Variants in PIEZO1 observed in about 807,000 individuals in gnomAD.
The protein encoded by PIEZO1 is piezo-type mechanosensitive ion channel component 1.
A neutral mutation model predicts 297.2 loss-of-function variants in PIEZO1; 296 were observed. The observed-to-expected ratio is 1.00, with a 90% confidence interval of 0.91 to 1.10. The LOEUF is 1.10. PIEZO1 is among the 50% of genes least tolerant of loss of function. The probability of loss-of-function intolerance (pLI) is 0.00; values close to 1 mark genes in which losing one functional copy is unlikely to be tolerated. For missense variants in PIEZO1, 5,018 were observed against 3,455.5 expected, an observed-to-expected ratio of 1.45 and a Z score of -11.34; for synonymous variants, 2,427 against 1,507.5, an observed-to-expected ratio of 1.61 and a Z score of -14.13.
In PIEZO1 at chr16:88,720,048, C is replaced by A. The variant is rs1462394196; in HGVS notation, c.6164+21G>T. ...CACTGCCCCGCCCCTGGAGACCGAG[C>A]GCCCCCACGCGTGGGCCCACCTCTC... On this transcript the variant is annotated intron_variant, in intron 42 of 50. Coordinates refer to ENST00000301015, the MANE Select transcript of PIEZO1 (RefSeq NM_001142864.4). 3.9e-6 allele frequency: 6 copies of A among 1,549,308 alleles called. No individual in the cohort carries two copies. The South Asian group carries it at 4.8e-5, about 12-fold the overall frequency.
intron 1 of PIEZO1, among the ~76,000 whole-genome samples, chr16:88,770,546 G>C (rs1365215150): frequency 6.6e-6 from 1 of 152,216 alleles, no homozygotes; most frequent in Non-Finnish European, 1.5e-5. Context: ...CGGGAGAGGT[G>C]GCCGTTAGTG....
At chr16:88,749,604 G>A in intron 1 of PIEZO1, 125 bp from the exon 2 acceptor site, 1 of 699,578 alleles carries the variant, frequency 1.4e-6, no homozygotes, top group Non-Finnish European at 2.3e-6. Flanking sequence ...GTGCTGCCCT[G>A]AGCCAGAGCC....
intron 1 of PIEZO1, among the ~76,000 whole-genome samples, chr16:88,766,846 A>T (rs1367295636): frequency 6.6e-6 from 1 of 152,232 alleles, no homozygotes; most frequent in Non-Finnish European, 1.5e-5. Flanking sequence ...TCAGGCCACG[A>T]GGGCCGGGGC....
intron 23 of PIEZO1, 151 bp downstream of exon 23, chr16:88,727,406 G>C (rs766831510): frequency 1.5e-6 from 1 of 647,900 alleles, no homozygotes; most frequent in Admixed American, 3.0e-5. Context: ...AGGTCTGCGT[G>C]CGTGCGTGCG....
At chr16:88,722,456 G>C in intron 35 of PIEZO1, 59 bp from the exon 36 acceptor site, 9 of 1,454,584 alleles carry the variant, frequency 6.2e-6, no homozygotes, top group Non-Finnish European at 7.3e-6. Flanking sequence ...CCAGGCTACA[G>C]GGAGGGTCAG....
Position 88,719,629 on chromosome 16 carries a change from AC to A in PIEZO1, c.6415del (p.Val2139TrpfsTer76). 1 of 1,552,890 alleles carries A rather than the reference AC, an allele frequency of 6.4e-7. No homozygotes were observed. ...GAAGATGTTGGCATAGATGTCCTCC[AC>A]ACACATCCAGCTGGACAGGGACAGC... is the stretch of plus-strand genomic sequence containing the variant. ...TTLSLSSWMCVEDIYANIFII... is the reference protein window; with the variant it reads ...TTLSLSSWMCXEDIYANIFII... On this transcript the variant is annotated frameshift_variant, in exon 44 of 51. Transcript: ENST00000301015. LOFTEE classifies it high-confidence loss of function.
At position 88,738,645 on chromosome 16, in the gene PIEZO1, G is replaced by A; in HGVS notation, c.557C>T (p.Ala186Val). 4.6e-6 allele frequency: 7 copies of A among 1,535,718 alleles called. No individual in the cohort carries two copies. Among genetic ancestry groups the A allele is most frequent in the Non-Finnish European group, 6.1e-6 (7 of 1,146,744 alleles). Residue 186 changes from alanine to valine, a missense_variant, in exon 6 of 51, where the codon GCT becomes GTT. Physicochemically the swap from Ala to Val is moderately conservative, Grantham distance 64 (BLOSUM62 0). Coordinates refer to ENST00000301015, the MANE Select transcript of PIEZO1 (RefSeq NM_001142864.4). ...CCAGTGGGCCGTGACTCGGAAACGA[G>A]CGGCCAGCCGTGACCTCCGTGTAGG... Reference protein sequence around the residue: ...LAPTRRSRLAARFRVTAHWLL... With the variant: ...LAPTRRSRLAVRFRVTAHWLL...
rs967632708 is a variant in PIEZO1, at chr16:88,726,967, C to A, written c.3456-9G>T. The A allele has an allele frequency of 6.5e-7, 1 of 1,550,048 alleles. No homozygotes were observed. Among genetic ancestry groups the A allele is most frequent in the Non-Finnish European group, 8.7e-7 (1 of 1,146,716 alleles). On this transcript the variant is annotated splice_polypyrimidine_tract_variant and intron_variant, in intron 24 of 50. Transcript: ENST00000301015. ...GCATGTCAAGGTAGGACCTGCCAGGCCGGAGCGTCAGGGCGGGCGCCCCGG... is the reference window on the plus strand; with the variant it reads ...GCATGTCAAGGTAGGACCTGCCAGGACGGAGCGTCAGGGCGGGCGCCCCGG...
chr16:88,774,060 A>G (rs1272985939), intron 1 of PIEZO1, among the ~76,000 whole-genome samples: 1 of 152,138 alleles, frequency 6.6e-6, no homozygotes, highest in Non-Finnish European at 1.5e-5. Flanking sequence ...GCCCGGCGAT[A>G]AGGTCTGGGA....
chr16:88,776,897 G>C (rs914133783), intron 1 of PIEZO1, among the ~76,000 whole-genome samples: 10 of 152,226 alleles, frequency 6.6e-5, no homozygotes, highest in African/African-American at 2.4e-4. Flanking sequence ...CCCGGCAGGA[G>C]ATCTGGGCCC....
intron 1 of PIEZO1, among the ~76,000 whole-genome samples, chr16:88,752,847 C>T (rs982723191): frequency 3.9e-5 from 6 of 151,966 alleles, no homozygotes; most frequent in Admixed American, 1.3e-4. Flanking sequence ...ATCAGCAACA[C>T]GCCCCCCAGA....
intron 1 of PIEZO1, among the ~76,000 whole-genome samples, chr16:88,776,934 G>C (rs1013335191): frequency 6.6e-6 from 1 of 152,184 alleles, no homozygotes; most frequent in African/African-American, 2.4e-5. Flanking sequence ...GGGACTAGAA[G>C]GAGGGAAGGG....
intron 30 of PIEZO1, among the ~76,000 whole-genome samples, chr16:88,724,682 G>C (rs141197312): frequency 1.3e-5 from 2 of 152,170 alleles, no homozygotes; most frequent in Admixed American, 1.3e-4. Context: ...GTGACAGAGC[G>C]AGACTCCATC....
intron 5 of PIEZO1, chr16:88,738,956 C>A: frequency 1.7e-6 from 1 of 586,860 alleles, no homozygotes; most frequent in East Asian, 2.8e-5. Flanking sequence ...TGCAGGCCTT[C>A]CTGGTAGCAG....
intron 1 of PIEZO1, among the ~76,000 whole-genome samples, chr16:88,759,125 G>A (rs1454398931): frequency 6.6e-6 from 1 of 152,252 alleles, no homozygotes; most frequent in Admixed American, 6.5e-5. Context: ...AGGACTGGAG[G>A]AAACAGACAG....
chr16:88,746,860 G>A (rs1412389078), intron 2 of PIEZO1, among the ~76,000 whole-genome samples: 1 of 152,220 alleles, frequency 6.6e-6, no homozygotes, highest in African/African-American at 2.4e-5. Context: ...GGAACAAACG[G>A]CGAAACGCCA....
Position 88,720,386 on chromosome 16 carries a change from C to G in PIEZO1, c.5948G>C (p.Gly1983Ala), listed in dbSNP as rs1597443663. ...GTTTGGGTCCCGGGCCTGGCTCACC[C>G]CAAAGGCCCAGAAGCCAAAAATGAT... is the stretch of plus-strand genomic sequence containing the variant. Reference protein sequence around the residue: ...IIIIFGFWAFGKHSAATDITS... With the variant: ...IIIIFGFWAFAKHSAATDITS... The change falls in exon 41 of 51, where the codon GGG becomes GCG. Residue 1983 changes from glycine (G) to alanine (A), a missense_variant and splice_region_variant. Transcript: ENST00000301015. 3 of 1,550,080 alleles carry G rather than the reference C, an allele frequency of 1.9e-6. No homozygotes were observed. The highest frequency in any genetic ancestry group is 2.7e-5 in the African/African-American group (2 of 73,082).
chr16:88,723,218 C>T lies in PIEZO1; in HGVS notation c.4438+8G>A, dbSNP rs1904296164. ...TTCCCCTCAGAGTCCCCACGCCCCC[C>T]AGCTCACCTGTGGGTAGCTGTCCTG... On this transcript the variant is annotated splice_region_variant and intron_variant, in intron 32 of 50. Coordinates refer to ENST00000301015, the MANE Select transcript of PIEZO1 (RefSeq NM_001142864.4). 6.5e-7 allele frequency: 1 copy of T among 1,548,350 alleles called. No individual in the cohort carries two copies. Among genetic ancestry groups the T allele is most frequent in the Non-Finnish European group, 8.7e-7 (1 of 1,146,840 alleles).
intron 1 of PIEZO1, among the ~76,000 whole-genome samples, chr16:88,769,808 A>G (rs1907340478): frequency 6.6e-6 from 1 of 152,190 alleles, no homozygotes; most frequent in South Asian, 2.1e-4. Flanking sequence ...GGGCGGGGCC[A>G]GGACGAGCCT....
Sources: allele counts gnomAD v4.1 joint callset (sites outside exome capture counted in the v4.1 genomes callset), GRCh38; gene constraint gnomAD v4.1.1; transcripts MANE v1.5; gene names NCBI Gene and HGNC (gene_info 2026-07-23, HGNC 2026-07-21).